VEGFC: variants seen among roughly 807,000 people sequenced by gnomAD.
VEGFC encodes vascular endothelial growth factor C.
Under a neutral mutation model 46.1 loss-of-function variants are expected in VEGFC, and 12 were observed. The observed-to-expected ratio is 0.26, with a 90% CI of 0.17 to 0.42. The LOEUF (loss-of-function observed/expected upper bound fraction) is 0.42. Ranked by LOEUF, VEGFC falls within the 10% of genes least tolerant of loss-of-function variation. The pLI is 1.00. For missense variants in VEGFC, 488 were observed against 529.4 expected (o/e 0.92, Z 0.77); for synonymous variants, 232 against 195.5 (o/e 1.19, Z -1.56).
At chr4:176,760,717 T>C (rs186697390) in intron 1 of VEGFC, among the ~76,000 whole-genome samples, 36 of 152,288 alleles carry the variant, frequency 2.4e-4, no homozygotes, top group Admixed American at 1.9e-3. Context: ...TCTAGCCAAT[T>C]TTTCCCATGC....
In VEGFC at chr4:176,792,697, CA is replaced by C. The variant is rs1018394761; in HGVS notation, c.-387del. 1.2e-5 allele frequency: 2 copies of C among 160,066 alleles called. No individual in the cohort carries two copies. Among genetic ancestry groups the C allele is most frequent in the African/African-American group, 4.8e-5 (2 of 41,688 alleles). 9.9% of individuals were successfully genotyped at this position (160,066 alleles called of 1,614,324 possible). On this transcript the variant is annotated 5_prime_UTR_variant, in exon 1 of 7. It removes the in-frame stop codon of an upstream open reading frame in the 5' UTR. Transcript: ENST00000618562. The surrounding 1 kb of genome is among the most constrained non-coding windows in gnomAD (Gnocchi z 6.3). ...AACACCCCGCGATGTTCAGCCCCTC[CA>C]AACCCGCCAGAGCCCTCGTCCCCCT...
intron 1 of VEGFC, among the ~76,000 whole-genome samples, chr4:176,779,688 G>T (rs1323818663): frequency 1.3e-5 from 2 of 151,132 alleles, no homozygotes; most frequent in African/African-American, 4.9e-5. Flanking sequence ...TTTTCCTATT[G>T]CACATAGGAA....
chr4:176,782,920 C>CA (rs555328151), intron 1 of VEGFC, among the ~76,000 whole-genome samples: 29 of 152,044 alleles, frequency 1.9e-4, no homozygotes, highest in Middle Eastern at 3.2e-3. Context: ...GTTACTGAAT[C>CA]AAAAAAATAT....
chr4:176,691,364 T>G (rs1184038063), intron 4 of VEGFC, among the ~76,000 whole-genome samples: 1 of 152,236 alleles, frequency 6.6e-6, no homozygotes. Flanking sequence ...TCAAAGACAT[T>G]CTGTCTGCAA....
chr4:176,696,926 G>C (rs992462712), intron 4 of VEGFC, among the ~76,000 whole-genome samples: 6 of 151,644 alleles, frequency 4.0e-5, no homozygotes, highest in Non-Finnish European at 7.4e-5. Flanking sequence ...AAACTGGCTA[G>C]CCATATGTAG....
At chr4:176,776,553 G>C (rs1298131009) in intron 1 of VEGFC, among the ~76,000 whole-genome samples, 1 of 152,332 alleles carries the variant, frequency 6.6e-6, no homozygotes, top group East Asian at 1.9e-4. Context: ...AGTAGAAGCA[G>C]CACAACTGTG....
At chr4:176,759,424 A>T (rs7661008) in intron 1 of VEGFC, among the ~76,000 whole-genome samples, 16,020 of 152,206 alleles carry the variant, frequency 0.11, 1,971 homozygotes, top group African/African-American at 0.29. Context: ...AAATCAAATG[A>T]TAGAAGCAGA....
At chr4:176,770,347 T>C (rs2110925892) in intron 1 of VEGFC, among the ~76,000 whole-genome samples, 1 of 152,342 alleles carries the variant, frequency 6.6e-6, no homozygotes, top group East Asian at 1.9e-4. Context: ...ATCTGGCTAC[T>C]CATCTTTTTA....
chr4:176,712,378 C>T (rs1431230151), intron 3 of VEGFC, among the ~76,000 whole-genome samples: 1 of 152,126 alleles, frequency 6.6e-6, no homozygotes, highest in Non-Finnish European at 1.5e-5. Flanking sequence ...TTCTGAACGC[C>T]TTATTTATGG....
intron 1 of VEGFC, among the ~76,000 whole-genome samples, chr4:176,737,209 T>C (rs948225558): frequency 1.3e-5 from 2 of 148,782 alleles, no homozygotes; most frequent in African/African-American, 4.9e-5. Context: ...AATTATATTA[T>C]AAAGTTTGTT....
chr4:176,754,133 C>T (rs1034233202), intron 1 of VEGFC, among the ~76,000 whole-genome samples: 3 of 151,786 alleles, frequency 2.0e-5, no homozygotes, highest in South Asian at 2.1e-4. Context: ...ACTCGAATTT[C>T]GAATTCTTTC....
chr4:176,764,977 C>A (rs1735594357), intron 1 of VEGFC, among the ~76,000 whole-genome samples: 1 of 151,976 alleles, frequency 6.6e-6, no homozygotes, highest in African/African-American at 2.4e-5. Flanking sequence ...GGAAGCTGAA[C>A]TGGGAGGATC....
chr4:176,746,845 A>G (rs1735266037), intron 1 of VEGFC, among the ~76,000 whole-genome samples: 2 of 152,146 alleles, frequency 1.3e-5, no homozygotes, highest in Non-Finnish European at 2.9e-5. Flanking sequence ...TCAGTTATTC[A>G]TATAAAGCCA....
intron 1 of VEGFC, among the ~76,000 whole-genome samples, chr4:176,768,491 C>CATATACATATATATATAT (rs1735667485): frequency 9.9e-6 from 1 of 100,536 alleles, no homozygotes; most frequent in African/African-American, 3.1e-5. Flanking sequence ...ATGTTTTATA[C>CATATACATATATATATAT]ATATATATAT....
intron 1 of VEGFC, among the ~76,000 whole-genome samples, chr4:176,732,097 A>C (rs905598026): frequency 1.7e-4 from 26 of 152,006 alleles, no homozygotes; most frequent in African/African-American, 5.8e-4. Context: ...CACTGCAAAC[A>C]AATTAAAAGA....
At chr4:176,711,216 T>A (rs532907134) in intron 4 of VEGFC, among the ~76,000 whole-genome samples, 2 of 152,330 alleles carry the variant, frequency 1.3e-5, no homozygotes, top group Non-Finnish European at 2.9e-5. Context: ...TCAATTAAGC[T>A]ACCTTACTGA....
rs1579100333 is a variant in VEGFC, at chr4:176,711,765, G to T, written c.553-115C>A. On this transcript the variant is annotated intron_variant, in intron 3 of 6. Coordinates refer to ENST00000618562, the MANE Select transcript of VEGFC (RefSeq NM_005429.5). ...TTAGCTCTATATAAGTAGCTGCCTA[G>T]TGTACGCAGGACGCTATGTTTTTAT... 3.1e-6 allele frequency: 3 copies of T among 971,280 alleles called. No individual in the cohort carries two copies. In the East Asian group the frequency reaches 7.4e-5, roughly 24 times the overall value. The allele number at this position is 971,280 out of a possible 1,614,324, so 60.2% of individuals were successfully genotyped here. A position where few individuals can be genotyped will look rare whatever the true frequency, so the allele number is the denominator to read the frequency against.
chr4:176,742,258 C>T (rs1735188547), intron 1 of VEGFC, among the ~76,000 whole-genome samples: 1 of 152,194 alleles, frequency 6.6e-6, no homozygotes, highest in East Asian at 1.9e-4. Flanking sequence ...CTGCAAAGCA[C>T]ATCATTTCAT....
intron 4 of VEGFC, among the ~76,000 whole-genome samples, chr4:176,701,285 T>C (rs1231594599): frequency 6.6e-6 from 1 of 152,216 alleles, no homozygotes; most frequent in Non-Finnish European, 1.5e-5. Flanking sequence ...AGAAAACAAC[T>C]GGTAAATCTG....
Sources: gnomAD v4.1 joint callset for allele counts (sites outside exome capture counted in the v4.1 genomes callset) on GRCh38, gnomAD v4.1.1 for gene constraint, Gnocchi (gnomAD v3.1) non-coding constraint, MANE v1.5 for transcripts, NCBI Gene and HGNC (gene_info 2026-07-23, HGNC 2026-07-21) for gene names.